Variants in POLR3B observed in about 807,000 individuals in gnomAD.
The protein encoded by POLR3B is DNA-directed RNA polymerase III subunit RPC2.
Under a neutral mutation model 147.4 loss-of-function variants are expected in POLR3B, and 96 were observed. The observed-to-expected ratio is 0.65, with a 90% confidence interval of 0.55 to 0.77. The LOEUF (loss-of-function observed/expected upper bound fraction) is 0.77. POLR3B is among the 30% of genes least tolerant of loss of function. The pLI is 0.00. For synonymous variants in POLR3B, 461 were observed against 485.9 expected, an observed-to-expected ratio of 0.95 and a Z score of 0.67; for missense variants, 1,036 against 1,413.5, an observed-to-expected ratio of 0.73 and a Z score of 4.28.
At chr12:106,394,929 T>G (rs1160459325) in intron 10 of POLR3B, among the ~76,000 whole-genome samples, 1 of 152,214 alleles carries the variant, frequency 6.6e-6, no homozygotes, top group Non-Finnish European at 1.5e-5. Flanking sequence ...GAACATATAT[T>G]AACAGTTACG....
At chr12:106,401,768 A>C (rs1482634680) in intron 10 of POLR3B, among the ~76,000 whole-genome samples, 1 of 152,218 alleles carries the variant, frequency 6.6e-6, no homozygotes, top group Non-Finnish European at 1.5e-5. Flanking sequence ...AACAACCTTC[A>C]TGCTAAAAAC....
At chr12:106,469,450 T>C (rs1370390322) in intron 23 of POLR3B, among the ~76,000 whole-genome samples, 3 of 152,190 alleles carry the variant, frequency 2.0e-5, no homozygotes, top group African/African-American at 4.8e-5. Context: ...CCCATTTACA[T>C]TTAAGGTTAA....
At chr12:106,428,413 A>G (rs1482065239) in intron 13 of POLR3B, among the ~76,000 whole-genome samples, 1 of 152,188 alleles carries the variant, frequency 6.6e-6, no homozygotes, top group Non-Finnish European at 1.5e-5. Flanking sequence ...GCAACAGAAA[A>G]AGATCAACCT....
intron 6 of POLR3B, among the ~76,000 whole-genome samples, chr12:106,374,096 G>A (rs1247781525): frequency 6.6e-6 from 1 of 151,926 alleles, no homozygotes; most frequent in African/African-American, 2.4e-5. Flanking sequence ...AACAAAGTTT[G>A]AAAATAAAAA....
At chr12:106,407,941 A>G (rs182605731) in intron 11 of POLR3B, among the ~76,000 whole-genome samples, 2 of 152,338 alleles carry the variant, frequency 1.3e-5, no homozygotes, top group South Asian at 2.1e-4. Context: ...TAGATGGTTC[A>G]GGGAAAAGAA....
At chr12:106,390,703 C>CAA (rs35671254) in intron 9 of POLR3B, among the ~76,000 whole-genome samples, 1,389 of 117,422 alleles carry the variant, frequency 0.012, 20 homozygotes, top group African/African-American at 0.035. Flanking sequence ...AACTTGTTTG[C>CAA]AAAAAAAAAA....
Position 106,357,802 on chromosome 12 carries a change from C to T in POLR3B, c.-78C>T, listed in dbSNP as rs2036405352. 2.1e-6 allele frequency: 3 copies of T among 1,404,324 alleles called. No individual in the cohort carries two copies. The highest frequency in any genetic ancestry group is 1.2e-5 in the South Asian group (1 of 82,396). 87.0% of individuals were successfully genotyped at this position (1,404,324 alleles called of 1,614,324 possible). A position where few individuals can be genotyped will look rare whatever the true frequency, so the allele number is the denominator to read the frequency against. On this transcript the variant is annotated 5_prime_UTR_variant, in exon 1 of 28. Transcript: ENST00000228347. The stretch of plus-strand genomic sequence containing the variant: ...GTTTAGGCCTCCGCGCACCGTTCGC[C>T]GGGAGTCTTGCAGTTTGCTTGGTGC...
intron 12 of POLR3B, among the ~76,000 whole-genome samples, chr12:106,425,094 C>G (rs778875670): frequency 5.9e-5 from 9 of 152,116 alleles, no homozygotes; most frequent in Non-Finnish European, 1.0e-4. Context: ...ATATTTATAT[C>G]TTTTATTTAT....
At chr12:106,376,629 C>CTTTTTTTT (rs137973753) in intron 7 of POLR3B, among the ~76,000 whole-genome samples, 179 bp downstream of exon 7, 4 of 147,448 alleles carry the variant, frequency 2.7e-5, no homozygotes, top group Admixed American at 6.7e-5. Flanking sequence ...TTCTTTCTTT[C>CTTTTTTTT]TTTTTTGAGA....
intron 10 of POLR3B, among the ~76,000 whole-genome samples, chr12:106,404,091 TTG>T (rs1279395256): frequency 6.7e-5 from 9 of 134,494 alleles, no homozygotes; most frequent in South Asian, 2.2e-4. Context: ...GAGTTGTTTT[TTG>T]TTTTTTTTTT....
intron 20 of POLR3B, among the ~76,000 whole-genome samples, chr12:106,455,067 C>T (rs1472992294): frequency 6.6e-6 from 1 of 152,148 alleles, no homozygotes; most frequent in Non-Finnish European, 1.5e-5. Context: ...ATATTATTAA[C>T]AACAAACCTG....
chr12:106,399,058 C>A (rs570119712), intron 10 of POLR3B, among the ~76,000 whole-genome samples: 1 of 152,116 alleles, frequency 6.6e-6, no homozygotes, highest in South Asian at 2.1e-4. Flanking sequence ...AAGTTCGAAC[C>A]AATGGCAAAG....
chr12:106,404,032 T>G (rs2037112999), intron 10 of POLR3B, among the ~76,000 whole-genome samples: 1 of 152,022 alleles, frequency 6.6e-6, no homozygotes, highest in African/African-American at 2.4e-5. Context: ...TATATATACC[T>G]TGTTCCAAAA....
intron 12 of POLR3B, among the ~76,000 whole-genome samples, chr12:106,426,222 TTGTGTGTGTGTGTGTGTGTGTGTGTGTG>T (rs35090518): frequency 1.5e-5 from 2 of 131,130 alleles, no homozygotes; most frequent in African/African-American, 5.9e-5. Flanking sequence ...GGCCTGCAAT[TTGTGTGTGTGTGTGTGTGTGTGTGTGTG>T]TGTGTGTGTG....
intron 2 of POLR3B, among the ~76,000 whole-genome samples, chr12:106,365,445 C>T (rs985341687): frequency 2.0e-4 from 30 of 152,140 alleles, no homozygotes; most frequent in African/African-American, 7.0e-4. Context: ...GATTTGAACT[C>T]CTGAGTTTGA....
intron 11 of POLR3B, among the ~76,000 whole-genome samples, chr12:106,406,519 TA>T (rs2037152753): frequency 6.6e-6 from 1 of 152,232 alleles, no homozygotes; most frequent in African/African-American, 2.4e-5. Context: ...CAGATAGTTT[TA>T]AAAATGTTTA....
intron 7 of POLR3B, among the ~76,000 whole-genome samples, chr12:106,377,902 G>A (rs867320105): frequency 6.6e-6 from 1 of 152,196 alleles, no homozygotes; most frequent in Middle Eastern, 3.4e-3. Flanking sequence ...AGCCTGAGAA[G>A]CATAGTGAGA....
At chr12:106,370,760 T>C (rs1245489525) in intron 6 of POLR3B, among the ~76,000 whole-genome samples, 1 of 151,742 alleles carries the variant, frequency 6.6e-6, no homozygotes, top group African/African-American at 2.4e-5. Flanking sequence ...GCCTCCTGAG[T>C]AGCTGGGATT....
At chr12:106,486,515 A>C (rs2038341999) in intron 23 of POLR3B, among the ~76,000 whole-genome samples, 1 of 152,032 alleles carries the variant, frequency 6.6e-6, no homozygotes, top group Non-Finnish European at 1.5e-5. Flanking sequence ...TTCTCGTTGG[A>C]AAGACACTAC....
Sources: gnomAD v4.1 joint callset for allele counts (sites outside exome capture counted in the v4.1 genomes callset) on GRCh38, gnomAD v4.1.1 for gene constraint, MANE v1.5 for transcripts, NCBI Gene and HGNC (gene_info 2026-07-23, HGNC 2026-07-21) for gene names.